Variants in GALNTL6 observed in about 807,000 individuals in gnomAD.
GALNTL6 encodes the protein polypeptide N-acetylgalactosaminyltransferase-like 6.
In GALNTL6, 46 loss-of-function variants were observed where a neutral mutation model predicts 73.7. That is an observed-to-expected ratio of 0.62 (90% confidence interval 0.49 to 0.80). The LOEUF (loss-of-function observed/expected upper bound fraction) is 0.80, where lower values mean the gene tolerates loss of function less well. Ranked by LOEUF, GALNTL6 falls within the 30% of genes least tolerant of loss-of-function variation. The probability of loss-of-function intolerance (pLI) is 0.00; values close to 1 mark genes in which losing one functional copy is unlikely to be tolerated. For synonymous variants in GALNTL6, 259 were observed against 263.7 expected, an observed-to-expected ratio of 0.98 and a Z score of 0.17; for missense variants, 604 against 755.0, an observed-to-expected ratio of 0.80 and a Z score of 2.34.
chr4:171,929,187 C>T (rs1242740300), intron 2 of GALNTL6, among the ~76,000 whole-genome samples: 5 of 152,096 alleles, frequency 3.3e-5, no homozygotes, highest in Non-Finnish European at 5.9e-5. Context: ...CCATCTCAAC[C>T]TCCCAAGTAG....
At chr4:172,156,895 A>G (rs1734306116) in intron 2 of GALNTL6, among the ~76,000 whole-genome samples, 1 of 152,066 alleles carries the variant, frequency 6.6e-6, no homozygotes, top group African/African-American at 2.4e-5. Context: ...ACAACTAACC[A>G]TTATATACTT....
chr4:172,029,909 C>A (rs1426958536), intron 2 of GALNTL6, among the ~76,000 whole-genome samples: 1 of 152,040 alleles, frequency 6.6e-6, no homozygotes, highest in African/African-American at 2.4e-5. Context: ...TAATGGTTAG[C>A]TAATTTACAT....
chr4:172,665,060 C>T (rs1731584226), intron 5 of GALNTL6, among the ~76,000 whole-genome samples: 2 of 152,118 alleles, frequency 1.3e-5, no homozygotes, highest in South Asian at 4.1e-4. Context: ...CAAATATATA[C>T]CTCCCAGGTT....
intron 5 of GALNTL6, among the ~76,000 whole-genome samples, chr4:172,592,975 G>A (rs1211179670): frequency 6.6e-6 from 1 of 151,802 alleles, no homozygotes; most frequent in Non-Finnish European, 1.5e-5. Flanking sequence ...TGAAATATGA[G>A]CACCTTGAGT....
intron 5 of GALNTL6, among the ~76,000 whole-genome samples, chr4:172,538,532 G>T (rs1735435205): frequency 6.6e-6 from 1 of 152,074 alleles, no homozygotes; most frequent in Admixed American, 6.6e-5. Flanking sequence ...TTCCCTGATG[G>T]AGAACAACAT....
intron 2 of GALNTL6, among the ~76,000 whole-genome samples, chr4:172,055,395 A>G (rs1450158892): frequency 1.3e-5 from 2 of 152,154 alleles, no homozygotes; most frequent in African/African-American, 2.4e-5. Flanking sequence ...AATTTTCTTG[A>G]AGTAAATGGA....
chr4:171,945,021 C>G (rs1738661038), intron 2 of GALNTL6, among the ~76,000 whole-genome samples: 1 of 151,950 alleles, frequency 6.6e-6, no homozygotes, highest in Non-Finnish European at 1.5e-5. Flanking sequence ...TTTGCTGAAT[C>G]AAAAGTCATA....
At chr4:172,788,857 TA>T (rs1739833236) in intron 5 of GALNTL6, among the ~76,000 whole-genome samples, 1 of 151,996 alleles carries the variant, frequency 6.6e-6, no homozygotes, top group South Asian at 2.1e-4. Flanking sequence ...TAGGACTAGA[TA>T]AGTGTGAGTA....
At chr4:172,159,924 G>T (rs1734400315) in intron 2 of GALNTL6, among the ~76,000 whole-genome samples, 1 of 152,148 alleles carries the variant, frequency 6.6e-6, no homozygotes, top group African/African-American at 2.4e-5. Context: ...GAAGCTGGCA[G>T]AAGTGATGGG....
chr4:172,830,819 T>C (rs1322786093), intron 7 of GALNTL6, among the ~76,000 whole-genome samples: 1 of 152,050 alleles, frequency 6.6e-6, no homozygotes, highest in African/African-American at 2.4e-5. Flanking sequence ...TAAAAAGGTA[T>C]GTGGAGATAA....
intron 5 of GALNTL6, among the ~76,000 whole-genome samples, chr4:172,644,547 C>A (rs759345159): frequency 2.0e-5 from 3 of 151,878 alleles, no homozygotes; most frequent in Admixed American, 1.3e-4. Context: ...CATGGAGAGT[C>A]ATTCATGTAT....
chr4:172,933,503 A>G (rs1748459697), intron 9 of GALNTL6, among the ~76,000 whole-genome samples: 1 of 152,194 alleles, frequency 6.6e-6, no homozygotes, highest in Admixed American at 6.5e-5. Context: ...AAAAAAGTCC[A>G]TAATTCTGAA....
rs190937891 is a variant in GALNTL6 at position 172,371,109 on chromosome 4, C to T, written c.553+22420C>T. Among the ~76,000 whole-genome samples the T allele has an allele frequency of 3.9e-5, 6 of 152,328 alleles. No homozygotes were observed. In the East Asian group the frequency reaches 1.2e-3, roughly 29 times the overall value. ...AAGATTTGGCTCAGTGCAAACAGCTCACACGTTTGAGCAGACCAATTATTG... is the reference window on the plus strand; with the variant it reads ...AAGATTTGGCTCAGTGCAAACAGCTTACACGTTTGAGCAGACCAATTATTG... On this transcript the variant is annotated intron_variant, in intron 5 of 12. Transcript: ENST00000506823.
chr4:172,729,506 T>C (rs1736025724), intron 5 of GALNTL6, among the ~76,000 whole-genome samples: 1 of 152,194 alleles, frequency 6.6e-6, no homozygotes, highest in East Asian at 1.9e-4. Context: ...TTCCTCATTG[T>C]AAGTTTTTGG....
intron 5 of GALNTL6, among the ~76,000 whole-genome samples, chr4:172,773,376 G>A (rs7693728): frequency 0.52 from 78,846 of 151,890 alleles, 21,323 homozygotes; most frequent in East Asian, 0.78. Flanking sequence ...TGCTCCAGGG[G>A]AAATTATTAA....
chr4:172,710,897 TATTGAAC>T (rs1734662631), intron 5 of GALNTL6, among the ~76,000 whole-genome samples: 1 of 152,144 alleles, frequency 6.6e-6, no homozygotes, highest in Non-Finnish European at 1.5e-5. Context: ...ATTCAACAAT[TATTGAAC>T]ATTCAACAAA....
At chr4:171,956,531 C>T (rs1242846932) in intron 2 of GALNTL6, among the ~76,000 whole-genome samples, 1 of 152,136 alleles carries the variant, frequency 6.6e-6, no homozygotes, top group Non-Finnish European at 1.5e-5. Flanking sequence ...TTTAGCAAAA[C>T]TCATTTTTGG....
At chr4:172,981,578 C>T (rs1448197672) in intron 10 of GALNTL6, among the ~76,000 whole-genome samples, 3 of 152,052 alleles carry the variant, frequency 2.0e-5, no homozygotes, top group Non-Finnish European at 4.4e-5. Flanking sequence ...ATGCAAGTAC[C>T]ATACTGCTTT....
chr4:172,806,973 G>A (rs1740997731), intron 5 of GALNTL6, among the ~76,000 whole-genome samples: 2 of 152,164 alleles, frequency 1.3e-5, no homozygotes, highest in Non-Finnish European at 2.9e-5. Context: ...ACAGCATGTG[G>A]CCCTTTCAAG....
Sources: gnomAD v4.1 joint callset for allele counts (sites outside exome capture counted in the v4.1 genomes callset) on GRCh38, gnomAD v4.1.1 for gene constraint, MANE v1.5 for transcripts, NCBI Gene and HGNC (gene_info 2026-07-23, HGNC 2026-07-21) for gene names.